The following RABGAP1L variants were observed in gnomAD, a reference collection of about 807,000 sequenced individuals.
RABGAP1L encodes the protein RAB GTPase activating protein 1 like.
RABGAP1L carries 63 observed loss-of-function variants against 137.7 expected under a neutral mutation model. That is an observed-to-expected ratio of 0.46 (90% CI 0.37 to 0.56). The LOEUF is 0.56. Among genes scored for constraint, RABGAP1L ranks in the 20% least tolerant of loss-of-function variants. The probability of loss-of-function intolerance (pLI) is 0.00; values close to 1 mark genes in which losing one functional copy is unlikely to be tolerated. For missense variants in RABGAP1L, 1,095 were observed against 1,244.0 expected (o/e 0.88, Z 1.80); for synonymous variants, 431 against 433.7 (o/e 0.99, Z 0.08).
At chr1:174,208,263 G>A (rs952629601) in intron 1 of RABGAP1L, among the ~76,000 whole-genome samples, 1 of 151,520 alleles carries the variant, frequency 6.6e-6, no homozygotes, top group Admixed American at 6.6e-5. Flanking sequence ...TAGTTCTGAG[G>A]GTTTTTTTTT....
At chr1:174,631,980 TC>T (rs1467380880) in intron 13 of RABGAP1L, among the ~76,000 whole-genome samples, 1 of 95,152 alleles carries the variant, frequency 1.1e-5, no homozygotes, top group African/African-American at 4.4e-5. Flanking sequence ...TGCAGTTTCT[TC>T]CTAGTCTCGA....
intron 1 of RABGAP1L, among the ~76,000 whole-genome samples, chr1:174,185,376 A>G (rs1318787461): frequency 6.6e-6 from 1 of 152,198 alleles, no homozygotes; most frequent in Non-Finnish European, 1.5e-5. Flanking sequence ...AGTGAAGGGT[A>G]ATTTTAAATT....
At chr1:174,583,850 A>AATATCTAATC (rs1668921587) in intron 13 of RABGAP1L, among the ~76,000 whole-genome samples, 1 of 152,236 alleles carries the variant, frequency 6.6e-6, no homozygotes, top group Non-Finnish European at 1.5e-5. Flanking sequence ...TGGTATAGAT[A>AATATCTAATC]ATATCTAATC....
rs567164473 is a variant in RABGAP1L at position 174,925,864 on chromosome 1, T to G, written c.2341-31593T>G. On this transcript the variant is annotated intron_variant, in intron 19 of 25. Coordinates refer to ENST00000681986, the MANE Select transcript of RABGAP1L (RefSeq NM_001366446.1). ...GTTTTTTGGGTTTGTTGTTGGTTTT[T>G]TTTTTGTTTTTGTTTTTTTTTTGTG... Among the ~76,000 whole-genome samples, 137 of 148,636 alleles carry G rather than the reference T, an allele frequency of 9.2e-4. 1 individual carries two copies. Among genetic ancestry groups the G allele is most frequent in the Admixed American group, 1.4e-3 (21 of 14,776 alleles).
intron 18 of RABGAP1L, among the ~76,000 whole-genome samples, chr1:174,757,722 C>T (rs1321354962): frequency 1.3e-5 from 2 of 151,806 alleles, no homozygotes; most frequent in African/African-American, 2.4e-5. Context: ...TGGATCATGG[C>T]TAAATTCTAG....
chr1:174,240,841 G>A (rs1315931231), intron 4 of RABGAP1L, among the ~76,000 whole-genome samples: 3 of 152,132 alleles, frequency 2.0e-5, no homozygotes, highest in Admixed American at 6.5e-5. Context: ...TACCAGGCAC[G>A]TATACTTAGC....
At chr1:174,250,690 A>T (rs1437672029) in intron 6 of RABGAP1L, 58 bp downstream of exon 6, 2 of 1,475,444 alleles carry the variant, frequency 1.4e-6, no homozygotes, top group African/African-American at 2.8e-5. Flanking sequence ...ATATAGGCGC[A>T]TATAAAGTTT....
intron 17 of RABGAP1L, among the ~76,000 whole-genome samples, chr1:174,715,193 G>A (rs2148570470): frequency 6.6e-6 from 1 of 152,240 alleles, no homozygotes; most frequent in South Asian, 2.1e-4. Context: ...ATATTTGAAT[G>A]CTTCCCATTG....
At chr1:174,762,590 G>A (rs1481471537) in intron 18 of RABGAP1L, among the ~76,000 whole-genome samples, 1 of 152,162 alleles carries the variant, frequency 6.6e-6, no homozygotes, top group Non-Finnish European at 1.5e-5. Flanking sequence ...GTTGGTTGTT[G>A]TCTTCCTCAT....
In RABGAP1L at chr1:174,637,429, C is replaced by G; in HGVS notation, c.1765C>G (p.His589Asp). Reference protein sequence around the residue: ...TRDIHRTFPAHDYFKDTGGDG... With the variant: ...TRDIHRTFPADDYFKDTGGDG... ...AGATATTCATCGTACATTTCCCGCA[C>G]ATGATTACTTTAAAGATACTGGAGG... Residue 589 changes from histidine (H) to aspartate (D), a missense_variant, in exon 14 of 26, where the codon CAT becomes GAT. By Grantham distance (81) the His-to-Asp change is moderately conservative. This residue lies in a region of RABGAP1L where 315 missense variants were observed against 324.8 expected (regional missense o/e 0.97). Transcript: ENST00000681986. 6.2e-7 allele frequency: 1 copy of G among 1,613,478 alleles called. No individual in the cohort carries two copies. Among genetic ancestry groups the G allele is most frequent in the East Asian group, 2.2e-5 (1 of 44,858 alleles).
Position 174,430,098 on chromosome 1 carries a change from C to T in RABGAP1L, c.1710+35953C>T, listed in dbSNP as rs542933997. On this transcript the variant is annotated intron_variant, in intron 13 of 25. Transcript: ENST00000681986. ...GGGCTACTTCTTAGCTTAAACCCTTCACAGGGCTGCGTGCAGTGGCTCACC... is the reference window on the plus strand; with the variant it reads ...GGGCTACTTCTTAGCTTAAACCCTTTACAGGGCTGCGTGCAGTGGCTCACC... Among the ~76,000 whole-genome samples, 21 of 152,218 alleles carry T rather than the reference C, an allele frequency of 1.4e-4. No individual in the cohort carries two copies. In the South Asian group the frequency reaches 4.4e-3, roughly 32 times the overall value.
chr1:174,529,371 T>C (rs1369590903), intron 13 of RABGAP1L, among the ~76,000 whole-genome samples: 1 of 152,166 alleles, frequency 6.6e-6, no homozygotes, highest in East Asian at 1.9e-4. Context: ...GGGTGCAGGC[T>C]AGTAGTATAA....
intron 17 of RABGAP1L, among the ~76,000 whole-genome samples, chr1:174,724,377 A>G (rs925273810): frequency 6.6e-6 from 1 of 152,342 alleles, no homozygotes. Context: ...GAAAGGAGTG[A>G]AAAAGTGGGT....
intron 1 of RABGAP1L, among the ~76,000 whole-genome samples, chr1:174,176,713 G>GACAAAAA (rs1665886092): frequency 4.6e-5 from 1 of 21,548 alleles, no homozygotes; most frequent in South Asian, 3.4e-3. Flanking sequence ...CCCTTTTTCA[G>GACAAAAA]AAAAAAAAAA....
chr1:174,338,449 A>C (rs114293045), intron 11 of RABGAP1L, among the ~76,000 whole-genome samples: 114 of 152,220 alleles, frequency 7.5e-4, no homozygotes, highest in African/African-American at 2.6e-3. Context: ...TTGACAAAGA[A>C]TATATTTTAA....
At chr1:174,726,211 A>C (rs1681967149) in intron 17 of RABGAP1L, among the ~76,000 whole-genome samples, 1 of 152,054 alleles carries the variant, frequency 6.6e-6, no homozygotes, top group Admixed American at 6.5e-5. Context: ...TTCTTCCAGA[A>C]ATCTTTGCGG....
intron 13 of RABGAP1L, among the ~76,000 whole-genome samples, chr1:174,574,350 AT>A (rs1213290338): frequency 6.6e-6 from 1 of 152,148 alleles, no homozygotes. Flanking sequence ...ACTCATTTTG[AT>A]GAGAAACTTT....
At chr1:174,294,421 A>G (rs1676913216) in intron 10 of RABGAP1L, among the ~76,000 whole-genome samples, 1 of 152,214 alleles carries the variant, frequency 6.6e-6, no homozygotes, top group South Asian at 2.1e-4. Context: ...CCAACATTGT[A>G]TATTCAGGAT....
At chr1:174,942,374 A>G (rs1258997673) in intron 19 of RABGAP1L, among the ~76,000 whole-genome samples, 1 of 152,246 alleles carries the variant, frequency 6.6e-6, no homozygotes, top group Admixed American at 6.5e-5. Flanking sequence ...TAACTAACCA[A>G]GTACACCAGG....
Sources: gnomAD v4.1 joint callset for allele counts (sites outside exome capture counted in the v4.1 genomes callset) on GRCh38, gnomAD v4.1.1 for gene constraint, gnomAD v4.1.1 regional missense constraint, MANE v1.5 for transcripts, NCBI Gene and HGNC (gene_info 2026-07-23, HGNC 2026-07-21) for gene names.